Variants in LEKR1 observed in about 807,000 individuals in gnomAD.
The protein encoded by LEKR1 is leucine, glutamate and lysine rich 1.
LEKR1 carries 59 observed loss-of-function variants against 72.4 expected under a neutral mutation model. The ratio of observed to expected loss-of-function variants is 0.82; its 90% CI spans 0.66 to 1.01. The LOEUF is 1.01. Among genes scored for constraint, LEKR1 ranks in the 50% least tolerant of loss-of-function variants. The probability of loss-of-function intolerance (pLI) is 0.00; values close to 1 mark genes in which losing one functional copy is unlikely to be tolerated. For missense variants in LEKR1, 728 were observed against 759.2 expected (o/e 0.96, Z 0.48); for synonymous variants, 257 against 263.2 (o/e 0.98, Z 0.23).
chr3:157,032,347 A>G (rs961357867), intron 12 of LEKR1, among the ~76,000 whole-genome samples: 1 of 152,244 alleles, frequency 6.6e-6, no homozygotes, highest in Non-Finnish European at 1.5e-5. Context: ...AAGACCACAC[A>G]TAAGGGAGCC....
At chr3:156,972,999 CT>C (rs1178495538) in intron 6 of LEKR1, among the ~76,000 whole-genome samples, 2 of 151,900 alleles carry the variant, frequency 1.3e-5, no homozygotes, top group African/African-American at 2.4e-5. Flanking sequence ...TAATAAGTGT[CT>C]ATTGAAATAA....
chr3:156,879,366 C>T (rs1350095102), intron 3 of LEKR1, among the ~76,000 whole-genome samples: 2 of 152,090 alleles, frequency 1.3e-5, no homozygotes, highest in African/African-American at 4.8e-5. Context: ...ATTTGTAGAA[C>T]TTTGAACTTC....
chr3:156,913,914 A>G (rs1363217438), intron 3 of LEKR1, among the ~76,000 whole-genome samples: 3 of 152,132 alleles, frequency 2.0e-5, no homozygotes, highest in Non-Finnish European at 4.4e-5. Flanking sequence ...TAAAATAAAT[A>G]CTCATTTACA....
intron 2 of LEKR1, among the ~76,000 whole-genome samples, chr3:156,833,627 G>A (rs1217668830): frequency 6.6e-6 from 1 of 152,106 alleles, no homozygotes; most frequent in Non-Finnish European, 1.5e-5. Flanking sequence ...ACTCTATGAT[G>A]TCAACATGCC....
intron 7 of LEKR1, among the ~76,000 whole-genome samples, chr3:156,985,058 T>A (rs919851590): frequency 5.3e-5 from 8 of 152,014 alleles, no homozygotes; most frequent in African/African-American, 1.9e-4. Context: ...ACAGATCCAT[T>A]TTTCACATGG....
chr3:156,932,490 A>T (rs1360689789), intron 5 of LEKR1, among the ~76,000 whole-genome samples: 1 of 152,148 alleles, frequency 6.6e-6, no homozygotes, highest in East Asian at 1.9e-4. Context: ...AGGCAAGTCA[A>T]TAGCTTGAGC....
At chr3:156,857,791 T>A (rs2108540507) in intron 3 of LEKR1, among the ~76,000 whole-genome samples, 1 of 152,348 alleles carries the variant, frequency 6.6e-6, no homozygotes, top group South Asian at 2.1e-4. Flanking sequence ...ATGCTGCTAA[T>A]ATTTTACATA....
At chr3:156,969,052 GA>G (rs1464781543) in intron 6 of LEKR1, among the ~76,000 whole-genome samples, 1 of 152,136 alleles carries the variant, frequency 6.6e-6, no homozygotes, top group Non-Finnish European at 1.5e-5. Flanking sequence ...AATGAAGGCA[GA>G]AATAAAGATG....
chr3:156,912,747 T>C (rs1351912762), intron 3 of LEKR1, among the ~76,000 whole-genome samples: 1 of 152,248 alleles, frequency 6.6e-6, no homozygotes, highest in Non-Finnish European at 1.5e-5. Context: ...GAATCAGGCG[T>C]GGCTTCCCTT....
At chr3:157,010,154 A>G (rs992208211) in intron 9 of LEKR1, among the ~76,000 whole-genome samples, 13 of 151,978 alleles carry the variant, frequency 8.6e-5, no homozygotes, top group Admixed American at 7.2e-4. Flanking sequence ...TATTGATCTC[A>G]AAGAAACAAA....
At chr3:156,942,028 C>T (rs74687867) in intron 5 of LEKR1, among the ~76,000 whole-genome samples, 1 of 151,896 alleles carries the variant, frequency 6.6e-6, no homozygotes, top group East Asian at 1.9e-4. Context: ...CTTTCTTCCC[C>T]TAAATTTATT....
chr3:156,985,189 T>C (rs1033071485), intron 7 of LEKR1, among the ~76,000 whole-genome samples: 2 of 152,150 alleles, frequency 1.3e-5, no homozygotes, highest in Non-Finnish European at 2.9e-5. Flanking sequence ...CACATTTCCA[T>C]AGAGTTACTT....
At chr3:156,931,875 AG>A (rs1725258481) in intron 5 of LEKR1, among the ~76,000 whole-genome samples, 1 of 152,212 alleles carries the variant, frequency 6.6e-6, no homozygotes. Flanking sequence ...CTTTGATGAT[AG>A]AAATTCTTTA....
intron 11 of LEKR1, 106 bp from the exon 12 acceptor site, chr3:157,027,997 C>G (rs1577016874): frequency 2.8e-6 from 2 of 701,894 alleles, no homozygotes; most frequent in East Asian, 5.5e-5. Flanking sequence ...TTCATCTGAT[C>G]AAGTGAGTAC....
chr3:157,029,703 G>A (rs1734466781), intron 12 of LEKR1, among the ~76,000 whole-genome samples: 1 of 152,142 alleles, frequency 6.6e-6, no homozygotes, highest in Non-Finnish European at 1.5e-5. Flanking sequence ...GAGAGCACAC[G>A]TGGACTTAGC....
chr3:156,990,373 T>TG (rs1370435762), intron 7 of LEKR1, among the ~76,000 whole-genome samples: 1 of 152,172 alleles, frequency 6.6e-6, no homozygotes, highest in Non-Finnish European at 1.5e-5. Context: ...GCATAATTAC[T>TG]GGGGGGTTTG....
intron 3 of LEKR1, among the ~76,000 whole-genome samples, chr3:156,882,132 A>G (rs1576731638): frequency 1.3e-5 from 2 of 150,216 alleles, no homozygotes; most frequent in East Asian, 3.9e-4. Context: ...AATGGCAACA[A>G]AAGACAAAAT....
At chr3:156,858,148 A>G (rs1178011195) in intron 3 of LEKR1, among the ~76,000 whole-genome samples, 2 of 152,152 alleles carry the variant, frequency 1.3e-5, no homozygotes, top group Non-Finnish European at 2.9e-5. Flanking sequence ...GATGTTTAGT[A>G]TTATAGAGTA....
chr3:156,999,066 G>A (rs764736086), intron 9 of LEKR1, among the ~76,000 whole-genome samples: 14 of 152,064 alleles, frequency 9.2e-5, no homozygotes, highest in Non-Finnish European at 1.8e-4. Flanking sequence ...CCCTTTGCCC[G>A]GCACTCACTC....
Sources: gnomAD v4.1 joint callset for allele counts (sites outside exome capture counted in the v4.1 genomes callset) on GRCh38, gnomAD v4.1.1 for gene constraint, MANE v1.5 for transcripts, NCBI Gene and HGNC (gene_info 2026-07-23, HGNC 2026-07-21) for gene names.